CNTNAP5: variants seen among roughly 807,000 people sequenced by gnomAD.
CNTNAP5 encodes contactin associated protein family member 5.
A neutral mutation model predicts 150.2 loss-of-function variants in CNTNAP5; 72 were observed. The ratio of observed to expected loss-of-function variants is 0.48; its 90% CI spans 0.40 to 0.58. The LOEUF (loss-of-function observed/expected upper bound fraction) is 0.58. Among genes scored for constraint, CNTNAP5 ranks in the 20% least tolerant of loss-of-function variants. The pLI is 0.00. For synonymous variants in CNTNAP5, 672 were observed against 619.8 expected (o/e 1.08, Z -1.25); for missense variants, 1,636 against 1,626.2 (o/e 1.01, Z -0.10).
intron 3 of CNTNAP5, among the ~76,000 whole-genome samples, chr2:124,253,919 T>A (rs1017002420): frequency 2.0e-5 from 3 of 152,022 alleles, no homozygotes; most frequent in Admixed American, 2.0e-4. Flanking sequence ...TTGAGTCTCT[T>A]TTAATTCAAG....
At chr2:124,735,573 A>T (rs1008408916) in intron 13 of CNTNAP5, among the ~76,000 whole-genome samples, 2 of 152,188 alleles carry the variant, frequency 1.3e-5, no homozygotes, top group Non-Finnish European at 2.9e-5. Flanking sequence ...TTACCAATGT[A>T]ATGATTATTT....
chr2:124,172,256 A>G (rs1684951732), intron 1 of CNTNAP5, among the ~76,000 whole-genome samples: 1 of 152,178 alleles, frequency 6.6e-6, no homozygotes, highest in Non-Finnish European at 1.5e-5. Flanking sequence ...TTATTTTTTT[A>G]AATAACTACT....
intron 3 of CNTNAP5, among the ~76,000 whole-genome samples, chr2:124,289,697 A>AT (rs1688239002): frequency 6.6e-6 from 1 of 152,182 alleles, no homozygotes; most frequent in Non-Finnish European, 1.5e-5. Flanking sequence ...TATTGCCATC[A>AT]TTTTACAGCT....
intron 8 of CNTNAP5, among the ~76,000 whole-genome samples, chr2:124,523,662 A>G (rs540792716): frequency 6.6e-6 from 1 of 152,292 alleles, no homozygotes; most frequent in South Asian, 2.1e-4. Flanking sequence ...CCCTTTAACA[A>G]TAATAAGGAA....
At chr2:124,880,206 A>G (rs1232091820) in intron 21 of CNTNAP5, among the ~76,000 whole-genome samples, 1 of 152,180 alleles carries the variant, frequency 6.6e-6, no homozygotes, top group Non-Finnish European at 1.5e-5. Flanking sequence ...TCCATTTCTA[A>G]GAATGATTTG....
At chr2:124,584,340 T>A (rs1295773152) in intron 11 of CNTNAP5, among the ~76,000 whole-genome samples, 1 of 139,686 alleles carries the variant, frequency 7.2e-6, no homozygotes, top group Non-Finnish European at 1.6e-5. Context: ...TAGTATTCTC[T>A]CATCACTGTG....
intron 18 of CNTNAP5, among the ~76,000 whole-genome samples, chr2:124,797,662 A>C (rs905227149): frequency 6.6e-6 from 1 of 152,226 alleles, no homozygotes; most frequent in East Asian, 1.9e-4. Context: ...GAGATACCAG[A>C]GAAGAACACA....
chr2:124,530,684 G>T (rs1436767444), intron 10 of CNTNAP5, among the ~76,000 whole-genome samples: 1 of 152,160 alleles, frequency 6.6e-6, no homozygotes, highest in South Asian at 2.1e-4. Context: ...GTGCCTGGCA[G>T]TCCATGGGCA....
At chr2:124,905,485 A>G (rs1017710141) in intron 22 of CNTNAP5, among the ~76,000 whole-genome samples, 1 of 152,106 alleles carries the variant, frequency 6.6e-6, no homozygotes, top group Non-Finnish European at 1.5e-5. Flanking sequence ...TCATCCATAC[A>G]TTCTCTGCTT....
intron 12 of CNTNAP5, among the ~76,000 whole-genome samples, chr2:124,633,100 C>A (rs79120921): frequency 0.012 from 1,813 of 152,208 alleles, 31 homozygotes; most frequent in African/African-American, 0.041. Context: ...AGCTCCAAAT[C>A]AAATAATTCT....
rs116638904 is a variant in CNTNAP5 at position 124,265,969 on chromosome 2, G to A, written c.381+23576G>A. On this transcript the variant is annotated intron_variant, in intron 3 of 23. Coordinates refer to ENST00000682447, the MANE Select transcript of CNTNAP5 (RefSeq NM_001367498.1). ...AGTGTTGACAACCTTCTCTCAGCTCGCACTACATAACCAAAGCTTATGAAT... is the reference window on the plus strand; with the variant it reads ...AGTGTTGACAACCTTCTCTCAGCTCACACTACATAACCAAAGCTTATGAAT... Among the ~76,000 whole-genome samples, 662 of 152,184 alleles carry A rather than the reference G, an allele frequency of 4.3e-3. 6 individuals are homozygous for A. Among genetic ancestry groups the A allele is most frequent in the African/African-American group, 0.015 (629 of 41,544 alleles).
chr2:124,107,391 G>T (rs969776132), intron 1 of CNTNAP5, among the ~76,000 whole-genome samples: 2 of 152,178 alleles, frequency 1.3e-5, no homozygotes, highest in Non-Finnish European at 2.9e-5. Flanking sequence ...TCTGGAAAAT[G>T]AATTTTCTAG....
chr2:124,869,852 TG>T, intron 21 of CNTNAP5, 90 bp downstream of exon 21: 1 of 739,042 alleles, frequency 1.4e-6, no homozygotes, highest in South Asian at 1.9e-5. Context: ...GATTCAGGTC[TG>T]GAGCCTTTTG....
chr2:124,236,901 T>G (rs893146421), intron 2 of CNTNAP5, among the ~76,000 whole-genome samples: 1 of 151,330 alleles, frequency 6.6e-6, no homozygotes, highest in Admixed American at 6.6e-5. Flanking sequence ...ACGAGGCGGG[T>G]GGATCACCTG....
At chr2:124,607,974 A>G (rs1476769317) in intron 11 of CNTNAP5, among the ~76,000 whole-genome samples, 5 of 152,220 alleles carry the variant, frequency 3.3e-5, no homozygotes, top group African/African-American at 1.2e-4. Context: ...GCTGGAATGC[A>G]AGAGAGAATG....
At chr2:124,281,257 C>T (rs1473002025) in intron 3 of CNTNAP5, among the ~76,000 whole-genome samples, 2 of 152,054 alleles carry the variant, frequency 1.3e-5, no homozygotes, top group African/African-American at 2.4e-5. Context: ...ACCCCCTTCT[C>T]CTGCCTCATT....
rs1037980855 is a variant in CNTNAP5, at chr2:124,713,273, C to G, written c.2078-33956C>G. Among the ~76,000 whole-genome samples, 2 of 107,506 alleles carry G rather than the reference C, an allele frequency of 1.9e-5. 1 individual carries two copies. The highest frequency in any genetic ancestry group is 7.2e-4 in the South Asian group (2 of 2,780). 70.5% of individuals were successfully genotyped at this position (107,506 alleles called of 152,430 possible). On this transcript the variant is annotated intron_variant, in intron 13 of 23. Transcript: ENST00000682447. ...TCTTTCTTTCTTTCTTTCTTTCTTT[C>G]TTTCTTTCTTTCTTTCTTTCTTTCT...
chr2:124,855,933 A>C (rs1207950172), intron 19 of CNTNAP5, among the ~76,000 whole-genome samples: 1 of 152,056 alleles, frequency 6.6e-6, no homozygotes, highest in African/African-American at 2.4e-5. Context: ...CTCATAGCTT[A>C]GCTCCCACTT....
chr2:124,721,518 T>TAAATAAATAAATA (rs1359102828), intron 13 of CNTNAP5, among the ~76,000 whole-genome samples: 127 of 149,650 alleles, frequency 8.5e-4, no homozygotes, highest in African/African-American at 3.0e-3. Context: ...AATACATAAA[T>TAAATAAATAAATA]AAATATTAAA....
Sources: gnomAD v4.1 joint callset for allele counts (sites outside exome capture counted in the v4.1 genomes callset) on GRCh38, gnomAD v4.1.1 for gene constraint, MANE v1.5 for transcripts, NCBI Gene and HGNC (gene_info 2026-07-23, HGNC 2026-07-21) for gene names.